The following CNBD2 variants were observed in gnomAD, a reference collection of about 807,000 sequenced individuals.
CNBD2 encodes cyclic nucleotide-binding domain-containing protein 2.
In CNBD2, 64 loss-of-function variants were observed where a neutral mutation model predicts 63.7. The observed-to-expected ratio is 1.00, with a 90% CI of 0.82 to 1.24. The LOEUF (loss-of-function observed/expected upper bound fraction) is 1.24, where lower values mean the gene tolerates loss of function less well. CNBD2 is among the 50% of genes most tolerant of loss of function. CNBD2 has a pLI of 0.00. For synonymous variants in CNBD2, 229 were observed against 255.4 expected, an observed-to-expected ratio of 0.90 and a Z score of 0.99; for missense variants, 691 against 713.5, an observed-to-expected ratio of 0.97 and a Z score of 0.36.
At chr20:35,990,932 CAG>C (rs1047578861) in intron 7 of CNBD2, among the ~76,000 whole-genome samples, 2 of 152,022 alleles carry the variant, frequency 1.3e-5, no homozygotes, top group African/African-American at 2.4e-5. Context: ...GCCTGGGTGA[CAG>C]AGTCTCAAAA....
chr20:36,022,872 G>A lies in CNBD2; in HGVS notation c.1270-730G>A, dbSNP rs1021593699. 2.3e-4 allele frequency among the ~76,000 whole-genome samples: 32 copies of A among 140,660 alleles called. 1 individual carries two copies. The highest frequency in any genetic ancestry group is 8.0e-4 in the African/African-American group (30 of 37,644). The allele number at this position is 140,660 out of a possible 152,430, so 92.3% of individuals were successfully genotyped here. A position where few individuals can be genotyped will look rare whatever the true frequency, so the allele number is the denominator to read the frequency against. On this transcript the variant is annotated intron_variant, in intron 10 of 11. Transcript: ENST00000373973. Reference sequence around the variant, plus strand: ...TGGGCTCAAGTGATCCACCCGCCTGGGCCTCCCAAAGTGCTGGGATTACAG... The same window carrying A: ...TGGGCTCAAGTGATCCACCCGCCTGAGCCTCCCAAAGTGCTGGGATTACAG...
At chr20:35,983,958 C>T (rs2056630584) in intron 4 of CNBD2, 24 bp from the exon 5 acceptor site, 5 of 1,613,916 alleles carry the variant, frequency 3.1e-6, no homozygotes, top group South Asian at 1.1e-5. Flanking sequence ...ACTACCCAAT[C>T]AACTAGCAGT....
chr20:36,020,603 T>C (rs1003022261), intron 10 of CNBD2, among the ~76,000 whole-genome samples: 2 of 152,206 alleles, frequency 1.3e-5, no homozygotes, highest in East Asian at 3.8e-4. Context: ...CGTGGATAGG[T>C]AAATTTCCTT....
chr20:36,022,189 T>TCTTTTC (rs1568929335), intron 10 of CNBD2, among the ~76,000 whole-genome samples: 2 of 121,596 alleles, frequency 1.6e-5, no homozygotes, highest in African/African-American at 8.4e-5. Context: ...TAATTCTTTT[T>TCTTTTC]TTTTTCTTTT....
chr20:35,979,491 C>T (rs2056567035), intron 3 of CNBD2, among the ~76,000 whole-genome samples: 1 of 152,266 alleles, frequency 6.6e-6, no homozygotes, highest in Admixed American at 6.5e-5. Flanking sequence ...CTCCTGGCCT[C>T]AAGTGATCCC....
intron 1 of CNBD2, among the ~76,000 whole-genome samples, chr20:35,969,895 A>G (rs1427630147): frequency 6.6e-6 from 1 of 152,250 alleles, no homozygotes; most frequent in Non-Finnish European, 1.5e-5. Context: ...GCTCTTCAAC[A>G]TGGTTGTACC....
chr20:35,963,894 C>T (rs982888948), upstream of CNBD2, among the ~76,000 whole-genome samples: 2 of 152,134 alleles, frequency 1.3e-5, no homozygotes, highest in African/African-American at 4.8e-5. Flanking sequence ...AAACAGGTAA[C>T]ATGCCTGGCA....
intron 11 of CNBD2, among the ~76,000 whole-genome samples, chr20:36,027,790 C>T (rs2057298966): frequency 1.3e-5 from 2 of 151,746 alleles, no homozygotes; most frequent in South Asian, 4.1e-4. Flanking sequence ...ATTCTTCTGC[C>T]TCAGCCTCCC....
At chr20:35,975,534 T>C (rs2056503095) in intron 2 of CNBD2, among the ~76,000 whole-genome samples, 1 of 150,480 alleles carries the variant, frequency 6.6e-6, no homozygotes, top group Non-Finnish European at 1.5e-5. Context: ...TCTCCTGACC[T>C]CGTGATCCGC....
intron 10 of CNBD2, among the ~76,000 whole-genome samples, chr20:36,012,795 C>G (rs542941890): frequency 7.4e-6 from 1 of 135,780 alleles, no homozygotes; most frequent in African/African-American, 2.9e-5. Context: ...GCACTCCAGC[C>G]TGGGCAACAA....
At chr20:36,025,123 C>T (rs2057267988) in intron 11 of CNBD2, among the ~76,000 whole-genome samples, 1 of 151,934 alleles carries the variant, frequency 6.6e-6, no homozygotes, top group South Asian at 2.1e-4. Context: ...TCTGTAACAG[C>T]AGGGTAAAAT....
chr20:35,964,212 C>T (rs1445120014), upstream of CNBD2, among the ~76,000 whole-genome samples: 2 of 151,502 alleles, frequency 1.3e-5, no homozygotes, highest in African/African-American at 4.9e-5. Context: ...TGGAGTTTTG[C>T]TCTTGTTGCC....
At chr20:36,009,697 T>A (rs1196666119) in intron 9 of CNBD2, among the ~76,000 whole-genome samples, 1 of 151,938 alleles carries the variant, frequency 6.6e-6, no homozygotes, top group African/African-American at 2.4e-5. Flanking sequence ...CTGGGTGTGG[T>A]GGCGGATGCC....
chr20:35,960,888 T>C (rs1384900848), intron 2 of CNBD2, among the ~76,000 whole-genome samples: 2 of 143,030 alleles, frequency 1.4e-5, no homozygotes, highest in South Asian at 2.4e-4. Context: ...TCTCCTCTCC[T>C]CTCCCCTCCC....
chr20:35,955,020 G>A (rs554207634), exon 1 of CNBD2: 1 of 176,670 alleles, frequency 5.7e-6, no homozygotes, highest in East Asian at 1.9e-4. Flanking sequence ...ACCGTCTGGC[G>A]CGAAGGAGAT....
intron 4 of CNBD2, among the ~76,000 whole-genome samples, chr20:35,982,726 A>C (rs1268980371): frequency 2.0e-5 from 3 of 150,192 alleles, no homozygotes; most frequent in African/African-American, 5.0e-5. Context: ...CATTGTGCCC[A>C]ATTTTTTTTT....
intron 10 of CNBD2, among the ~76,000 whole-genome samples, chr20:36,016,157 C>T (rs896426030): frequency 1.3e-5 from 2 of 152,172 alleles, no homozygotes; most frequent in Non-Finnish European, 2.9e-5. Flanking sequence ...CAAATTTTAA[C>T]TGTGGCATCC....
intron 1 of CNBD2, among the ~76,000 whole-genome samples, chr20:35,971,958 G>A (rs1402454136): frequency 6.6e-6 from 1 of 152,142 alleles, no homozygotes; most frequent in Non-Finnish European, 1.5e-5. Context: ...GGAAAAGGTA[G>A]GGTGGCCCAT....
intron 11 of CNBD2, among the ~76,000 whole-genome samples, chr20:36,029,063 C>G (rs1156783815): frequency 6.6e-6 from 1 of 152,136 alleles, no homozygotes; most frequent in African/African-American, 2.4e-5. Flanking sequence ...CTGTGTGAAG[C>G]TGAGGCTACC....
Sources: allele counts gnomAD v4.1 joint callset (sites outside exome capture counted in the v4.1 genomes callset), GRCh38; gene constraint gnomAD v4.1.1; transcripts MANE v1.5; gene names NCBI Gene and HGNC (gene_info 2026-07-23, HGNC 2026-07-21).